Variants in NME7 observed in about 807,000 individuals in gnomAD.
The protein encoded by NME7 is NME/NM23 family member 7, also known as nucleoside diphosphate kinase 7.
In NME7, 41 loss-of-function variants were observed where a neutral mutation model predicts 49.1. That is an observed-to-expected ratio of 0.83 (90% CI 0.65 to 1.08). The LOEUF is 1.08. NME7 is among the 50% of genes least tolerant of loss of function. The probability of loss-of-function intolerance (pLI) is 0.00; values close to 1 mark genes in which losing one functional copy is unlikely to be tolerated. For missense variants in NME7, 423 were observed against 463.4 expected, an observed-to-expected ratio of 0.91 and a Z score of 0.80; for synonymous variants, 139 against 150.6, an observed-to-expected ratio of 0.92 and a Z score of 0.56.
At chr1:169,242,343 T>C (rs1159738556) in intron 7 of NME7, among the ~76,000 whole-genome samples, 1 of 151,856 alleles carries the variant, frequency 6.6e-6, no homozygotes, top group African/African-American at 2.4e-5. Flanking sequence ...TCTGCATATA[T>C]TGATACAGAA....
chr1:169,293,229 A>C (rs1264687139), intron 6 of NME7, among the ~76,000 whole-genome samples: 1 of 151,750 alleles, frequency 6.6e-6, no homozygotes, highest in Non-Finnish European at 1.5e-5. Flanking sequence ...CCATGGGTTC[A>C]AAGTTATAGA....
chr1:169,231,417 C>T (rs965106094), intron 9 of NME7, among the ~76,000 whole-genome samples: 2 of 152,140 alleles, frequency 1.3e-5, no homozygotes, highest in African/African-American at 4.8e-5. Context: ...GTAGAGGAAA[C>T]ACAACAGAGC....
chr1:169,147,872 T>G (rs970929791), intron 11 of NME7, among the ~76,000 whole-genome samples: 1 of 152,188 alleles, frequency 6.6e-6, no homozygotes, highest in Admixed American at 6.5e-5. Flanking sequence ...ACATTCAGAT[T>G]AAAGGTGAGA....
rs1373842054 is a variant in NME7, at chr1:169,276,220, T to C, written c.754+11083A>G. 5.7e-4 allele frequency among the ~76,000 whole-genome samples: 76 copies of C among 133,880 alleles called. 10 individuals are homozygous for C. Among genetic ancestry groups the C allele is most frequent in the African/African-American group, 1.8e-3 (70 of 39,580 alleles). 87.8% of individuals were successfully genotyped at this position (133,880 alleles called of 152,430 possible). On this transcript the variant is annotated intron_variant, in intron 7 of 11. Coordinates refer to ENST00000367811, the MANE Select transcript of NME7 (RefSeq NM_013330.5). ...GCCTCATAAAATGAGTTAGGGAGGA[T>C]TCCCTCTTTTTTTATTCAGTGGAAT...
intron 7 of NME7, among the ~76,000 whole-genome samples, chr1:169,277,934 C>A (rs971325830): frequency 7.1e-6 from 1 of 141,516 alleles, no homozygotes; most frequent in Non-Finnish European, 1.6e-5. Flanking sequence ...TTTATTTCTC[C>A]TTCGCTTATG....
chr1:169,264,379 C>T (rs952641028), intron 7 of NME7, among the ~76,000 whole-genome samples: 3 of 133,972 alleles, frequency 2.2e-5, no homozygotes, highest in East Asian at 4.0e-4. Flanking sequence ...CACCCACAGG[C>T]TCAAAACAGA....
At chr1:169,231,398 G>A (rs985262794) in intron 9 of NME7, among the ~76,000 whole-genome samples, 3 of 152,172 alleles carry the variant, frequency 2.0e-5, no homozygotes, top group African/African-American at 4.8e-5. Flanking sequence ...TTCCAGACCA[G>A]TAGACCAGGT....
chr1:169,257,502 T>G (rs34794230), intron 7 of NME7, among the ~76,000 whole-genome samples: 14,961 of 133,038 alleles, frequency 0.11, 3,820 homozygotes, highest in East Asian at 0.75. Context: ...ACCTCAGATG[T>G]AAATGCAGAA....
At chr1:169,175,401 AAAAGTATAGTAAATATGTAAACC>A (rs1234676318) in intron 10 of NME7, among the ~76,000 whole-genome samples, 1 of 152,168 alleles carries the variant, frequency 6.6e-6, no homozygotes, top group Non-Finnish European at 1.5e-5. Context: ...AACAACGATA[AAAAGTATAGTAAATATGTAAACC>A]AGTAACATAG....
Position 169,231,358 on chromosome 1 carries a change from A to G in NME7, c.889-539T>C, listed in dbSNP as rs1264577237. Among the ~76,000 whole-genome samples the G allele has an allele frequency of 2.0e-5, 3 of 152,170 alleles. No individual in the cohort carries two copies. The East Asian group carries it at 5.8e-4, about 29-fold the overall frequency. On this transcript the variant is annotated intron_variant, in intron 9 of 11. Coordinates refer to ENST00000367811, the MANE Select transcript of NME7 (RefSeq NM_013330.5). ...TGGAAACAGATTAGGTGAGCTGTAGAATTGCTCTGTCTTACTGTCTAGAGG... is the reference window on the plus strand; with the variant it reads ...TGGAAACAGATTAGGTGAGCTGTAGGATTGCTCTGTCTTACTGTCTAGAGG...
At chr1:169,305,247 GT>G (rs1651128166) in intron 4 of NME7, among the ~76,000 whole-genome samples, 1 of 152,130 alleles carries the variant, frequency 6.6e-6, no homozygotes, top group Admixed American at 6.5e-5. Context: ...ATCTAGAGAA[GT>G]TTTTTGTTGT....
intron 7 of NME7, among the ~76,000 whole-genome samples, chr1:169,238,198 A>G (rs192290068): frequency 1.6e-4 from 25 of 152,112 alleles, no homozygotes; most frequent in African/African-American, 6.0e-4. Context: ...GAGAAGGCAC[A>G]CATCTGGGAA....
chr1:169,291,414 A>G (rs555968175), intron 6 of NME7, among the ~76,000 whole-genome samples: 18 of 152,248 alleles, frequency 1.2e-4, no homozygotes, highest in Admixed American at 1.1e-3. Context: ...ACAGGAAGAG[A>G]AAACCAAACA....
intron 10 of NME7, among the ~76,000 whole-genome samples, chr1:169,226,907 C>CA (rs948674644): frequency 6.6e-6 from 1 of 151,610 alleles, no homozygotes; most frequent in Non-Finnish European, 1.5e-5. Context: ...TAAAATGAAC[C>CA]AAAAAAACAC....
intron 7 of NME7, among the ~76,000 whole-genome samples, chr1:169,262,880 C>T (rs7532255): frequency 0.032 from 4,234 of 133,754 alleles, 609 homozygotes; most frequent in African/African-American, 0.099. Context: ...ATTAGGGCAA[C>T]TTGGCTAGGA....
chr1:169,321,863 T>C (rs1281624068), intron 3 of NME7, among the ~76,000 whole-genome samples: 1 of 152,220 alleles, frequency 6.6e-6, no homozygotes, highest in East Asian at 1.9e-4. Context: ...TAAATCATTT[T>C]TGGAGCCTTT....
intron 5 of NME7, among the ~76,000 whole-genome samples, chr1:169,300,474 A>C (rs907371197): frequency 6.6e-6 from 1 of 152,182 alleles, no homozygotes; most frequent in African/African-American, 2.4e-5. Context: ...TCTTATTAGA[A>C]GTGTAAACAG....
chr1:169,219,920 A>T (rs1661091203), intron 10 of NME7, among the ~76,000 whole-genome samples: 1 of 152,242 alleles, frequency 6.6e-6, no homozygotes, highest in Non-Finnish European at 1.5e-5. Context: ...TATACCTTAT[A>T]TGATGAAGAA....
chr1:169,197,691 C>T (rs1349446711), intron 10 of NME7, among the ~76,000 whole-genome samples: 1 of 152,070 alleles, frequency 6.6e-6, no homozygotes, highest in East Asian at 1.9e-4. Flanking sequence ...CCTTACCTCA[C>T]ACCATATACA....
Sources: gnomAD v4.1 joint callset for allele counts (sites outside exome capture counted in the v4.1 genomes callset) on GRCh38, gnomAD v4.1.1 for gene constraint, MANE v1.5 for transcripts, NCBI Gene and HGNC (gene_info 2026-07-23, HGNC 2026-07-21) for gene names.